CLVS2: variants seen among roughly 807,000 people sequenced by gnomAD.
The protein encoded by CLVS2 is clavesin-2.
In CLVS2, 19 loss-of-function variants were observed where a neutral mutation model predicts 29.0. The ratio of observed to expected loss-of-function variants is 0.66; its 90% CI spans 0.46 to 0.96. The LOEUF (loss-of-function observed/expected upper bound fraction) is 0.96, where lower values mean the gene tolerates loss of function less well. Ranked by LOEUF, CLVS2 falls within the 40% of genes least tolerant of loss-of-function variation. The probability of loss-of-function intolerance (pLI) is 0.00; values close to 1 mark genes in which losing one functional copy is unlikely to be tolerated. For synonymous variants in CLVS2, 161 were observed against 151.3 expected, an observed-to-expected ratio of 1.06 and a Z score of -0.47; for missense variants, 294 against 404.1, an observed-to-expected ratio of 0.73 and a Z score of 2.34.
chr6:123,027,780 T>G (rs1201126874), intron 3 of CLVS2, among the ~76,000 whole-genome samples: 1 of 152,188 alleles, frequency 6.6e-6, no homozygotes, highest in Non-Finnish European at 1.5e-5. Flanking sequence ...TAATTTAGAA[T>G]GCTGCTTAAA....
intron 2 of CLVS2, among the ~76,000 whole-genome samples, chr6:123,003,611 A>G (rs1484872423): frequency 1.3e-5 from 2 of 152,214 alleles, no homozygotes; most frequent in South Asian, 4.1e-4. Context: ...TTTGTTATGT[A>G]CATAGCATTT....
At chr6:123,009,882 C>T (rs1774724357) in intron 2 of CLVS2, among the ~76,000 whole-genome samples, 1 of 152,034 alleles carries the variant, frequency 6.6e-6, no homozygotes, top group African/African-American at 2.4e-5. Context: ...AGTCTATAAG[C>T]TTTTAATTCC....
At position 123,066,563 on chromosome 6, in the gene CLVS2, T is replaced by C. The variant is rs1403803641; in HGVS notation, c.*2802T>C. The C allele has an allele frequency of 6.6e-6, 1 of 151,834 alleles. No individual in the cohort carries two copies. The highest frequency in any genetic ancestry group is 6.6e-5 in the Admixed American group (1 of 15,190). 9.4% of individuals were successfully genotyped at this position (151,834 alleles called of 1,614,324 possible). A position where few individuals can be genotyped will look rare whatever the true frequency, so the allele number is the denominator to read the frequency against. On this transcript the variant is annotated 3_prime_UTR_variant, in exon 6 of 6. Coordinates refer to ENST00000275162, the MANE Select transcript of CLVS2 (RefSeq NM_001010852.4). The stretch of plus-strand genomic sequence containing the variant: ...TGCCTGTTCCATCTTCTATTTCTGA[T>C]ATTTTTTCTTTCTTCCAGTTATTTC...
intron 5 of CLVS2, among the ~76,000 whole-genome samples, chr6:123,060,528 A>G (rs1772759889): frequency 6.6e-6 from 1 of 152,210 alleles, no homozygotes; most frequent in Non-Finnish European, 1.5e-5. Flanking sequence ...TTGCTTCTTG[A>G]AGCAAGTAAT....
chr6:123,048,790 C>A, intron 4 of CLVS2, 58 bp downstream of exon 4: 4 of 1,020,342 alleles, frequency 3.9e-6, no homozygotes, highest in Admixed American at 3.4e-5. Flanking sequence ...AATTATAATG[C>A]ATAATGTGTA....
At chr6:123,058,711 C>T (rs1035944976) in intron 5 of CLVS2, among the ~76,000 whole-genome samples, 2 of 152,092 alleles carry the variant, frequency 1.3e-5, no homozygotes, top group East Asian at 1.9e-4. Flanking sequence ...AGCGCAGTGG[C>T]GTGATCATGG....
At position 123,069,116 on chromosome 6, in the gene CLVS2, T is replaced by C. The variant is rs146112389; in HGVS notation, c.*5355T>C. On this transcript the variant is annotated 3_prime_UTR_variant, in exon 6 of 6. Coordinates refer to ENST00000275162, the MANE Select transcript of CLVS2 (RefSeq NM_001010852.4). Reference sequence around the variant, plus strand: ...AGTAATTTGTTTCATCAAAATGACGTATTCAATATTCTATAACTTCTAGTC... The same window carrying C: ...AGTAATTTGTTTCATCAAAATGACGCATTCAATATTCTATAACTTCTAGTC... 65 of 151,872 alleles carry C rather than the reference T, an allele frequency of 4.3e-4. No homozygotes were observed. Among genetic ancestry groups the C allele is most frequent in the African/African-American group, 1.4e-3 (60 of 41,526 alleles). 9.4% of individuals were successfully genotyped at this position (151,872 alleles called of 1,614,324 possible).
Position 122,997,537 on chromosome 6 carries a change from G to T in CLVS2, c.-241G>T, listed in dbSNP as rs899156682. ...GGAAAGGAAAGAGGGAGCCAAAGTA[G>T]GGTGTTGTATTTTAGGGGGCAGAGG... On this transcript the variant is annotated 5_prime_UTR_variant, in exon 2 of 6. The change creates a new upstream start codon in the 5' untranslated region. Transcript: ENST00000275162. 1 of 565,402 alleles carries T rather than the reference G, an allele frequency of 1.8e-6. No individual in the cohort carries two copies. The highest frequency in any genetic ancestry group is 3.0e-5 in the East Asian group (1 of 32,934). 35.0% of individuals were successfully genotyped at this position (565,402 alleles called of 1,614,324 possible).
At position 123,062,551 on chromosome 6, in the gene CLVS2, A is replaced by G. The variant is rs189098853; in HGVS notation, c.897-1123A>G. 3.3e-3 allele frequency among the ~76,000 whole-genome samples: 498 copies of G among 152,222 alleles called. 1 individual carries two copies. Among genetic ancestry groups the G allele is most frequent in the East Asian group, 7.7e-3 (40 of 5,176 alleles). On this transcript the variant is annotated intron_variant, in intron 5 of 5. Coordinates refer to ENST00000275162, the MANE Select transcript of CLVS2 (RefSeq NM_001010852.4). Reference sequence around the variant, plus strand: ...TAAAATAGTGTAAATGACACTTAGGAAACAAAATCTCTCAATTTTTTAATG... The same window carrying G: ...TAAAATAGTGTAAATGACACTTAGGGAACAAAATCTCTCAATTTTTTAATG...
At chr6:123,021,411 C>T (rs1332003532) in intron 3 of CLVS2, among the ~76,000 whole-genome samples, 1 of 151,880 alleles carries the variant, frequency 6.6e-6, no homozygotes, top group Non-Finnish European at 1.5e-5. Context: ...CCACCAGACA[C>T]TTAATACATG....
At chr6:123,018,519 T>C (rs1446702719) in intron 3 of CLVS2, among the ~76,000 whole-genome samples, 1 of 152,064 alleles carries the variant, frequency 6.6e-6, no homozygotes, top group Non-Finnish European at 1.5e-5. Context: ...GGGTTAGTTT[T>C]GTTTTCTTAT....
intron 3 of CLVS2, among the ~76,000 whole-genome samples, chr6:123,011,527 ACCTG>A (rs1165932322): frequency 6.6e-6 from 1 of 151,908 alleles, no homozygotes; most frequent in Non-Finnish European, 1.5e-5. Flanking sequence ...ATTTCATTTA[ACCTG>A]GTGAATTTGG....
chr6:123,030,196 A>G (rs555414116), intron 3 of CLVS2, among the ~76,000 whole-genome samples: 1 of 152,154 alleles, frequency 6.6e-6, no homozygotes, highest in Non-Finnish European at 1.5e-5. Context: ...GCTGTTAATA[A>G]AAGTGTGTAA....
At chr6:123,036,512 A>G (rs996393727) in intron 3 of CLVS2, among the ~76,000 whole-genome samples, 3 of 152,194 alleles carry the variant, frequency 2.0e-5, no homozygotes, top group African/African-American at 7.2e-5. Flanking sequence ...TGGATTTTGA[A>G]AAGAGGGTAA....
intron 3 of CLVS2, among the ~76,000 whole-genome samples, chr6:123,037,337 A>G (rs962620922): frequency 9.9e-5 from 15 of 152,122 alleles, no homozygotes; most frequent in South Asian, 4.1e-4. Flanking sequence ...AATGTTCAAC[A>G]TGGTTACCTA....
At chr6:123,043,677 AT>A (rs2114348988) in intron 3 of CLVS2, among the ~76,000 whole-genome samples, 1 of 152,314 alleles carries the variant, frequency 6.6e-6, no homozygotes, top group East Asian at 1.9e-4. Flanking sequence ...AAAGTTGTGG[AT>A]TTAATTCTTA....
rs1483003101 is a variant in CLVS2 at position 123,063,725 on chromosome 6, G to T, written c.948G>T (p.Glu316Asp). The change falls in exon 6 of 6, where the codon GAG becomes GAT. Residue 316 changes from glutamate (E) to aspartate (D), a missense_variant. Coordinates refer to ENST00000275162, the MANE Select transcript of CLVS2 (RefSeq NM_001010852.4). ...PTVLKRMDKN[E>D]EENMQPLLSL... ...TACTAAAACGCATGGATAAAAATGA[G>T]GAAGAAAACATGCAACCATTGCTTT... is the stretch of plus-strand genomic sequence containing the variant. 2 of 1,611,778 alleles carry T rather than the reference G, an allele frequency of 1.2e-6. No homozygotes were observed. The highest frequency in any genetic ancestry group is 1.7e-5 in the Admixed American group (1 of 59,932).
At chr6:123,044,559 G>T (rs1364579555) in intron 3 of CLVS2, among the ~76,000 whole-genome samples, 1 of 151,974 alleles carries the variant, frequency 6.6e-6, no homozygotes, top group Non-Finnish European at 1.5e-5. Context: ...TGAGATAAGG[G>T]GTCATATTCT....
intron 3 of CLVS2, among the ~76,000 whole-genome samples, chr6:123,045,407 T>C (rs1333489968): frequency 6.6e-6 from 1 of 152,046 alleles, no homozygotes; most frequent in Non-Finnish European, 1.5e-5. Context: ...AAGAAACTAG[T>C]GCCCACATTG....
Sources: gnomAD v4.1 joint callset for allele counts (sites outside exome capture counted in the v4.1 genomes callset) on GRCh38, gnomAD v4.1.1 for gene constraint, MANE v1.5 for transcripts, NCBI Gene and HGNC (gene_info 2026-07-23, HGNC 2026-07-21) for gene names.